Variants in XRN2 observed in about 807,000 individuals in gnomAD.
The protein encoded by XRN2 is 5'-3' exoribonuclease 2.
XRN2 carries 44 observed loss-of-function variants against 138.5 expected under a neutral mutation model. The observed-to-expected ratio is 0.32, with a 90% confidence interval of 0.25 to 0.41. The LOEUF is 0.41. XRN2 is among the 10% of genes least tolerant of loss of function. The pLI, the probability that XRN2 is intolerant of heterozygous loss-of-function variation, is 1.00. For missense variants in XRN2, 937 were observed against 1,169.3 expected (o/e 0.80, Z 2.90); for synonymous variants, 354 against 369.4 (o/e 0.96, Z 0.48).
At chr20:21,309,979 T>C (rs1290807173) in intron 1 of XRN2, among the ~76,000 whole-genome samples, 1 of 152,222 alleles carries the variant, frequency 6.6e-6, no homozygotes, top group Non-Finnish European at 1.5e-5. Context: ...ATGTATTTGT[T>C]ATGCTTACTT....
Position 21,381,997 on chromosome 20 carries a change from T to C in XRN2, c.2588T>C (p.Met863Thr), listed in dbSNP as rs1047337921. Reference protein sequence around the residue: ...QAQIPKLMSNMRPQDSWRGPP... With the variant: ...QAQIPKLMSNTRPQDSWRGPP... ...CCCTTTCCTGTTTCTTTTTCAGATATGAGGCCCCAGGATTCCTGGCGAGGT... is the reference window on the plus strand; with the variant it reads ...CCCTTTCCTGTTTCTTTTTCAGATACGAGGCCCCAGGATTCCTGGCGAGGT... The change falls in exon 28 of 30, where the codon ATG (methionine) becomes ACG (threonine). Residue 863 changes from methionine to threonine, a missense_variant. Around this residue, in one of 6 missense-constraint regions of XRN2, gnomAD observed 372 missense variants for 414.4 expected, o/e 0.90. Coordinates refer to ENST00000377191, the MANE Select transcript of XRN2 (RefSeq NM_012255.5). 6.2e-6 allele frequency: 10 copies of C among 1,608,770 alleles called. No individual in the cohort carries two copies. Among genetic ancestry groups the C allele is most frequent in the Non-Finnish European group, 8.5e-6 (10 of 1,177,154 alleles).
intron 24 of XRN2, among the ~76,000 whole-genome samples, chr20:21,359,737 G>C (rs980051458): frequency 3.3e-5 from 5 of 152,158 alleles, no homozygotes; most frequent in East Asian, 1.9e-4. Context: ...TTTTACAGCA[G>C]GTTTTTGCAT....
chr20:21,342,564 ACTT>A (rs2038386077), intron 15 of XRN2, among the ~76,000 whole-genome samples: 1 of 152,234 alleles, frequency 6.6e-6, no homozygotes, highest in Admixed American at 6.5e-5. Context: ...TTTTTACACA[ACTT>A]CTCTGTAGAC....
intron 29 of XRN2, 97 bp downstream of exon 29, chr20:21,387,103 A>G (rs2296730): frequency 0.055 from 81,889 of 1,490,524 alleles, 2,679 homozygotes; most frequent in East Asian, 0.15. Context: ...TGGAGAAGAC[A>G]CTGATAGAGT....
In XRN2 at chr20:21,334,157, G is replaced by A. The variant is rs779455360; in HGVS notation, c.1205G>A (p.Ser402Asn). 1.1e-5 allele frequency: 17 copies of A among 1,613,800 alleles called. No individual in the cohort carries two copies. The highest frequency in any genetic ancestry group is 1.4e-5 in the Non-Finnish European group (16 of 1,179,894). ...IMLAVGEVED[S>N]IFKKRKDDED... ...TTAGCAGTTGGTGAAGTTGAGGATA[G>A]CATTTTTAAAAAGAGAAAGGATGAT... The change falls in exon 13 of 30, where the codon AGC (serine) becomes AAC (asparagine). Residue 402 changes from serine to asparagine, a missense_variant. Ser to Asn is a conservative substitution (Grantham distance 46, BLOSUM62 1). Transcript: ENST00000377191.
At chr20:21,310,074 T>C (rs761622741) in intron 1 of XRN2, among the ~76,000 whole-genome samples, 1 of 152,242 alleles carries the variant, frequency 6.6e-6, no homozygotes, top group African/African-American at 2.4e-5. Flanking sequence ...CTCTCTGATA[T>C]AGATCTTGAG....
intron 24 of XRN2, among the ~76,000 whole-genome samples, chr20:21,364,679 T>C (rs1024845651): frequency 2.0e-5 from 3 of 151,940 alleles, no homozygotes; most frequent in Non-Finnish European, 4.4e-5. Context: ...TGGTGTTGTG[T>C]ACCTGTAGTC....
At chr20:21,388,809 A>C (rs1361210649) in intron 29 of XRN2, among the ~76,000 whole-genome samples, 1 of 152,238 alleles carries the variant, frequency 6.6e-6, no homozygotes, top group East Asian at 1.9e-4. Context: ...TTTGTTGCTA[A>C]ATAAAAAATC....
intron 1 of XRN2, 120 bp downstream of exon 1, chr20:21,303,593 C>A (rs527717450): frequency 7.2e-7 from 1 of 1,387,634 alleles, no homozygotes; most frequent in Admixed American, 3.8e-5. Context: ...GCCCTGCTGC[C>A]AGCCTCGCGA....
At position 21,330,699 on chromosome 20, in the gene XRN2, T is replaced by C; in HGVS notation, c.570T>C (p.Asn190=). The C allele has an allele frequency of 6.2e-7, 1 of 1,612,098 alleles. No individual in the cohort carries two copies. The highest frequency in any genetic ancestry group is 1.1e-5 in the South Asian group (1 of 90,966). The change falls in exon 6 of 30, where the codon AAT becomes AAC. Residue 190 remains asparagine (N), a synonymous_variant. Coordinates refer to ENST00000377191, the MANE Select transcript of XRN2 (RefSeq NM_012255.5). ...DRLNNDPGWK[N]LTVILSDASA... ...TAAATAATGACCCTGGGTGGAAAAA[T>C]TTGACAGTAAGTTTCACATTTTGAT...
chr20:21,348,337 TCAG>T lies in XRN2; in HGVS notation c.1774-3_1774-1del. On this transcript the variant is annotated splice_acceptor_variant and splice_polypyrimidine_tract_variant and intron_variant, in intron 18 of 29. Coordinates refer to ENST00000377191, the MANE Select transcript of XRN2 (RefSeq NM_012255.5). LOFTEE classifies it high-confidence loss of function. ...TGGGTCTTTAATGTTTTTTCTTTTT[TCAG>T]TTTAAACCACTAGAACAACTTATGG... 1 of 1,613,068 alleles carries T rather than the reference TCAG, an allele frequency of 6.2e-7. No individual in the cohort carries two copies.
rs548650046 is a variant in XRN2 at position 21,350,280 on chromosome 20, A to C, written c.1936+819A>C. ...AGTGGCTCGCGCCTGTAATCCCAGC[A>C]ATTTGGGAGGCCAAGGCGGGCGGAT... On this transcript the variant is annotated intron_variant, in intron 20 of 29. Transcript: ENST00000377191. Among the ~76,000 whole-genome samples the C allele has an allele frequency of 2.4e-3, 361 of 152,236 alleles. 1 individual carries two copies. Among genetic ancestry groups the C allele is most frequent in the Non-Finnish European group, 2.9e-3 (196 of 68,006 alleles).
chr20:21,366,214 T>C (rs1292223853), intron 26 of XRN2, among the ~76,000 whole-genome samples: 1 of 132,260 alleles, frequency 7.6e-6, no homozygotes, highest in Non-Finnish European at 1.6e-5. Context: ...ATATATAATA[T>C]AGTTTATATA....
intron 27 of XRN2, among the ~76,000 whole-genome samples, chr20:21,375,837 A>G (rs965470197): frequency 6.7e-6 from 1 of 149,904 alleles, no homozygotes; most frequent in Non-Finnish European, 1.5e-5. Flanking sequence ...TTTTTTATTT[A>G]TTTATTTATT....
At chr20:21,336,697 T>C (rs1417641069) in intron 13 of XRN2, among the ~76,000 whole-genome samples, 3 of 152,234 alleles carry the variant, frequency 2.0e-5, no homozygotes, top group African/African-American at 7.2e-5. Flanking sequence ...TTGGGAGAGC[T>C]GGAAGATAAA....
chr20:21,381,653 G>A (rs1342015415), intron 27 of XRN2, among the ~76,000 whole-genome samples: 2 of 151,838 alleles, frequency 1.3e-5, no homozygotes, highest in Admixed American at 6.6e-5. Context: ...CTTTTCCACA[G>A]CATTTAAAAT....
intron 24 of XRN2, among the ~76,000 whole-genome samples, chr20:21,362,461 TA>T (rs1411341541): frequency 1.3e-5 from 2 of 152,142 alleles, no homozygotes; most frequent in Non-Finnish European, 2.9e-5. Flanking sequence ...GTTCCAGCCT[TA>T]CCATTTCATT....
At position 21,327,243 on chromosome 20, in the gene XRN2, G is replaced by T. The variant is rs117802581; in HGVS notation, c.315+642G>T. 2.0e-3 allele frequency among the ~76,000 whole-genome samples: 311 copies of T among 152,312 alleles called. 3 individuals carry two copies. The highest frequency in any genetic ancestry group is 0.013 in the East Asian group (70 of 5,188). The stretch of plus-strand genomic sequence containing the variant: ...GACTGTATCCTATAGGCAATGAGTA[G>T]TCATGAAAATGATTTGAGAGGAGTA... On this transcript the variant is annotated intron_variant, in intron 3 of 29. Transcript: ENST00000377191.
intron 27 of XRN2, among the ~76,000 whole-genome samples, chr20:21,377,446 A>G (rs1312226621): frequency 6.6e-6 from 1 of 151,282 alleles, no homozygotes; most frequent in Non-Finnish European, 1.5e-5. Context: ...TAGTAGAGTC[A>G]GGGTTTTGCC....
Sources: gnomAD v4.1 joint callset for allele counts (sites outside exome capture counted in the v4.1 genomes callset) on GRCh38, gnomAD v4.1.1 for gene constraint, gnomAD v4.1.1 regional missense constraint, MANE v1.5 for transcripts, NCBI Gene and HGNC (gene_info 2026-07-23, HGNC 2026-07-21) for gene names.